Variants in NBPF14 observed in about 807,000 individuals in gnomAD.
NBPF14 encodes the protein NBPF family member NBPF14.
In NBPF14, 104 loss-of-function variants were observed where a neutral mutation model predicts 91.2. That is an observed-to-expected ratio of 1.14 (90% CI 0.97 to 1.34). The LOEUF (loss-of-function observed/expected upper bound fraction) is 1.34, where lower values mean the gene tolerates loss of function less well. Among genes scored for constraint, NBPF14 ranks in the 40% most tolerant of loss-of-function variants. The probability of loss-of-function intolerance (pLI) is 0.00; values close to 1 mark genes in which losing one functional copy is unlikely to be tolerated. For missense variants in NBPF14, 908 were observed against 783.0 expected, an observed-to-expected ratio of 1.16 and a Z score of -1.91; for synonymous variants, 294 against 303.8, an observed-to-expected ratio of 0.97 and a Z score of 0.34.
chr1:148,579,800 G>C (rs1660622950), intron 12 of NBPF14, among the ~76,000 whole-genome samples: 1 of 152,148 alleles, frequency 6.6e-6, no homozygotes, highest in Non-Finnish European at 1.5e-5. Context: ...AGAAATCCCT[G>C]TTTGAGGGTC....
chr1:148,533,896 T>A (rs1398121554), exon 70 of NBPF14: 4 of 758,512 alleles, frequency 5.3e-6, no homozygotes, highest in African/African-American at 1.7e-5. Context: ...CTTCCCCTTC[T>A]TTTCTTCCCC....
chr1:148,566,540 C>G (rs1314179342), intron 28 of NBPF14, among the ~76,000 whole-genome samples: 1 of 102,240 alleles, frequency 9.8e-6, no homozygotes, highest in African/African-American at 3.3e-5. Flanking sequence ...CACACACACA[C>G]AAACACACAC....
chr1:148,533,484 C>T (rs1405117940), intron 70 of NBPF14, among the ~76,000 whole-genome samples: 1 of 150,954 alleles, frequency 6.6e-6, no homozygotes, highest in Non-Finnish European at 1.5e-5. Context: ...GAGAAAGTGA[C>T]CTAGTGAATT....
At chr1:148,532,447 G>T (rs1653883934) in exon 71 of NBPF14, 1 of 155,978 alleles carries the variant, frequency 6.4e-6, no homozygotes, top group Non-Finnish European at 1.4e-5. Flanking sequence ...CCAATTGGAG[G>T]CTGAAGGACT....
Position 148,533,787 on chromosome 1 carries a change from C to A in NBPF14, c.8723+74G>T, listed in dbSNP as rs1296997876. 6.5e-6 allele frequency: 5 copies of A among 764,608 alleles called. 1 individual carries two copies. Among genetic ancestry groups the A allele is most frequent in the East Asian group, 4.9e-5 (2 of 41,232 alleles). The allele number at this position is 764,608 out of a possible 1,614,324, so 47.4% of individuals were successfully genotyped here. On this transcript the variant is annotated intron_variant, in intron 70 of 70. Transcript: ENST00000619423. ...TTTGTTGAAAATATGACATCAAACA[C>A]ACTCTGGTTTCCCTGAATCTGTTGC...
At chr1:148,534,944 C>A (rs1337690815) in intron 68 of NBPF14, 88 bp from the exon 69 acceptor site, 7 of 745,968 alleles carry the variant, frequency 9.4e-6, no homozygotes, top group South Asian at 5.7e-5. Flanking sequence ...ACATAAGGAA[C>A]AGTTTAAAAA....
At chr1:148,572,763 G>T (rs1659312336) in intron 20 of NBPF14, 148 bp from the exon 21 acceptor site, 6 of 535,634 alleles carry the variant, frequency 1.1e-5, no homozygotes, top group South Asian at 9.3e-5. Flanking sequence ...CCTTTATGTT[G>T]GGATAGAACA....
chr1:148,561,863 T>C (rs1285160562), intron 34 of NBPF14, among the ~76,000 whole-genome samples: 1 of 134,374 alleles, frequency 7.4e-6, no homozygotes, highest in Non-Finnish European at 1.5e-5. Context: ...CTCAGTGAAT[T>C]GTCCAGGTGA....
intron 37 of NBPF14, 66 bp downstream of exon 37, chr1:148,559,727 A>C (rs1657370146): frequency 1.2e-6 from 1 of 838,626 alleles, no homozygotes; most frequent in Non-Finnish European, 1.9e-6. Context: ...GGCCACTTGC[A>C]GTAGGAATAT....
intron 13 of NBPF14, 31 bp from the exon 14 acceptor site, chr1:148,578,065 A>G: frequency 3.0e-6 from 2 of 666,594 alleles, no homozygotes; most frequent in Non-Finnish European, 5.4e-6. Flanking sequence ...GCCCTCTTAC[A>G]TTAAGTTCTT....
chr1:148,587,515 CA>C lies in NBPF14; in HGVS notation c.989-113del. 2 of 1,135,430 alleles carry C rather than the reference CA, an allele frequency of 1.8e-6. 1 individual carries two copies. The highest frequency in any genetic ancestry group is 2.6e-6 in the Non-Finnish European group (2 of 768,818). 70.3% of individuals were successfully genotyped at this position (1,135,430 alleles called of 1,614,324 possible). On this transcript the variant is annotated intron_variant, in intron 7 of 70. Transcript: ENST00000619423. ...CCAAGGACAAAACTCTCCCCAGTAC[CA>C]GGGTCTAGACAGGGATTTCAACATC...
chr1:148,594,258 C>T (rs1662957263), intron 2 of NBPF14, among the ~76,000 whole-genome samples: 1 of 141,118 alleles, frequency 7.1e-6, no homozygotes, highest in Admixed American at 6.9e-5. Context: ...GAAATATGCC[C>T]AAATACTTTA....
At chr1:148,588,656 GCTGTC>G (rs1661971927) in intron 7 of NBPF14, among the ~76,000 whole-genome samples, 1 of 151,914 alleles carries the variant, frequency 6.6e-6, no homozygotes, top group Non-Finnish European at 1.5e-5. Context: ...TGCTCTTGAT[GCTGTC>G]ACTTATAGAC....
At chr1:148,593,902 G>A (rs1336593030) in intron 2 of NBPF14, among the ~76,000 whole-genome samples, 2 of 149,932 alleles carry the variant, frequency 1.3e-5, no homozygotes, top group Non-Finnish European at 3.0e-5. Flanking sequence ...CGAAGAAAGA[G>A]AAACTCAAGG....
intron 59 of NBPF14, among the ~76,000 whole-genome samples, chr1:148,542,290 A>T (rs1655673159): frequency 3.6e-5 from 2 of 54,830 alleles, no homozygotes; most frequent in African/African-American, 2.4e-4. Flanking sequence ...TGAATTTGTC[A>T]CATCTGCCCA....
At chr1:148,579,891 G>A (rs1261134101) in intron 12 of NBPF14, among the ~76,000 whole-genome samples, 1 of 152,124 alleles carries the variant, frequency 6.6e-6, no homozygotes, top group Non-Finnish European at 1.5e-5. Flanking sequence ...ACAGAGAAAG[G>A]AATAGCATCA....
intron 2 of NBPF14, 150 bp downstream of exon 2, chr1:148,595,393 A>G (rs1253828116): frequency 4.2e-6 from 4 of 963,354 alleles, no homozygotes; most frequent in Non-Finnish European, 6.2e-6. Flanking sequence ...TCTGTCTTCC[A>G]ACTTTAACAA....
intron 6 of NBPF14, among the ~76,000 whole-genome samples, chr1:148,590,253 T>G (rs1193534398): frequency 7.1e-6 from 1 of 140,372 alleles, no homozygotes; most frequent in East Asian, 2.0e-4. Flanking sequence ...AAGATGGGGT[T>G]TCACCGTGTT....
exon 21 of NBPF14, chr1:148,572,476 C>G: frequency 3.6e-6 from 2 of 553,064 alleles, no homozygotes; most frequent in Non-Finnish European, 6.2e-6. Flanking sequence ...AGGTACTGTT[C>G]CTCCAATGAG....
Sources: allele counts gnomAD v4.1 joint callset (sites outside exome capture counted in the v4.1 genomes callset), GRCh38; gene constraint gnomAD v4.1.1; transcripts MANE v1.5; gene names NCBI Gene and HGNC (gene_info 2026-07-23, HGNC 2026-07-21).